The following NLGN1 variants were observed in gnomAD, a reference collection of about 807,000 sequenced individuals.
NLGN1 encodes the protein neuroligin-1.
Under a neutral mutation model 65.5 loss-of-function variants are expected in NLGN1, and 12 were observed. The ratio of observed to expected loss-of-function variants is 0.18; its 90% CI spans 0.12 to 0.30. NLGN1 has a LOEUF of 0.30. NLGN1 is among the 10% of genes least tolerant of loss of function. The pLI, the probability that NLGN1 is intolerant of heterozygous loss-of-function variation, is 1.00. For synonymous variants in NLGN1, 350 were observed against 359.5 expected (o/e 0.97, Z 0.30); for missense variants, 750 against 1,007.1 (o/e 0.74, Z 3.46).
intron 4 of NLGN1, among the ~76,000 whole-genome samples, chr3:174,231,013 G>A (rs1287026612): frequency 6.6e-6 from 1 of 152,158 alleles, no homozygotes; most frequent in African/African-American, 2.4e-5. Flanking sequence ...AGGAAGGGCT[G>A]TTACTGTCCT....
At chr3:174,001,499 G>C (rs577903683) in intron 4 of NLGN1, among the ~76,000 whole-genome samples, 8 of 152,296 alleles carry the variant, frequency 5.3e-5, no homozygotes, top group African/African-American at 1.9e-4. Context: ...AATGCTTGCA[G>C]TCTTGAGAAA....
At chr3:174,080,909 G>A (rs1408131098) in intron 4 of NLGN1, among the ~76,000 whole-genome samples, 3 of 149,188 alleles carry the variant, frequency 2.0e-5, no homozygotes, top group East Asian at 3.9e-4. Flanking sequence ...TTTGATGGTC[G>A]CCTGACATTC....
intron 3 of NLGN1, among the ~76,000 whole-genome samples, chr3:173,747,733 G>T (rs902812004): frequency 6.7e-6 from 1 of 149,058 alleles, no homozygotes; most frequent in Admixed American, 6.7e-5. Flanking sequence ...AGGGACTAGG[G>T]TATATGCAGC....
At chr3:173,653,762 C>T (rs1481467063) in intron 3 of NLGN1, among the ~76,000 whole-genome samples, 6 of 152,098 alleles carry the variant, frequency 3.9e-5, no homozygotes, top group Non-Finnish European at 5.9e-5. Context: ...AAGTGACATT[C>T]TGAGACTTAG....
intron 4 of NLGN1, among the ~76,000 whole-genome samples, chr3:174,171,709 G>A (rs1179624477): frequency 3.3e-5 from 5 of 151,902 alleles, no homozygotes; most frequent in Non-Finnish European, 7.4e-5. Flanking sequence ...GAATCTTTAG[G>A]TATTTTATTA....
intron 3 of NLGN1, among the ~76,000 whole-genome samples, chr3:173,743,587 T>C (rs1405086020): frequency 1.3e-5 from 2 of 152,178 alleles, no homozygotes; most frequent in Non-Finnish European, 2.9e-5. Context: ...GAATTTCCTC[T>C]TTTTCTTCAG....
intron 1 of NLGN1, among the ~76,000 whole-genome samples, chr3:173,403,807 T>G (rs2148616307): frequency 6.6e-6 from 1 of 152,292 alleles, no homozygotes; most frequent in East Asian, 1.9e-4. Flanking sequence ...CTTCAAATTA[T>G]TTTTTAGAAC....
At chr3:173,576,421 T>C (rs1264255382) in intron 2 of NLGN1, among the ~76,000 whole-genome samples, 1 of 152,206 alleles carries the variant, frequency 6.6e-6, no homozygotes, top group African/African-American at 2.4e-5. Flanking sequence ...AAACCTAAAA[T>C]GATTGGCAAA....
intron 4 of NLGN1, among the ~76,000 whole-genome samples, chr3:173,916,373 T>G (rs1740735257): frequency 6.6e-6 from 1 of 152,174 alleles, no homozygotes; most frequent in Non-Finnish European, 1.5e-5. Flanking sequence ...ACTCATTCAT[T>G]TATTGATCAC....
At chr3:173,444,329 A>G (rs548815249) in intron 2 of NLGN1, among the ~76,000 whole-genome samples, 264 of 152,356 alleles carry the variant, frequency 1.7e-3, no homozygotes, top group African/African-American at 6.3e-3. Flanking sequence ...AATGCTGCTC[A>G]TCAAAATGAA....
At chr3:173,421,947 A>G (rs1715138961) in intron 1 of NLGN1, among the ~76,000 whole-genome samples, 1 of 152,168 alleles carries the variant, frequency 6.6e-6, no homozygotes, top group South Asian at 2.1e-4. Context: ...ACGATTTTAC[A>G]TATTAATAGG....
chr3:173,880,649 T>G (rs1733045657), intron 4 of NLGN1, among the ~76,000 whole-genome samples: 1 of 152,112 alleles, frequency 6.6e-6, no homozygotes, highest in African/African-American at 2.4e-5. Flanking sequence ...GAGAGACTTG[T>G]AAACTTTTTT....
At chr3:173,412,126 A>C (rs1439692233) in intron 1 of NLGN1, among the ~76,000 whole-genome samples, 1 of 152,210 alleles carries the variant, frequency 6.6e-6, no homozygotes, top group Non-Finnish European at 1.5e-5. Context: ...TGGAGCAAGA[A>C]GTATTCTCTC....
chr3:174,253,063 CAG>C (rs1256335339), intron 4 of NLGN1, among the ~76,000 whole-genome samples: 3 of 152,058 alleles, frequency 2.0e-5, no homozygotes, highest in Non-Finnish European at 4.4e-5. Flanking sequence ...TTATTTCTAA[CAG>C]AGGGAAAATA....
At chr3:174,190,598 T>C (rs1047782341) in intron 4 of NLGN1, among the ~76,000 whole-genome samples, 3 of 152,168 alleles carry the variant, frequency 2.0e-5, no homozygotes, top group African/African-American at 7.2e-5. Context: ...ATTAGACTTA[T>C]TGATATAACT....
At chr3:173,771,919 A>T (rs1385350239) in intron 3 of NLGN1, among the ~76,000 whole-genome samples, 1 of 151,926 alleles carries the variant, frequency 6.6e-6, no homozygotes, top group Non-Finnish European at 1.5e-5. Context: ...TTCTAACTTT[A>T]ATATGTTGTG....
rs149164936 is a variant in NLGN1, at chr3:174,190,276, G to A, written c.647-85039G>A. Among the ~76,000 whole-genome samples, 908 of 151,938 alleles carry A rather than the reference G, an allele frequency of 6.0e-3. 8 individuals carry two copies. The highest frequency in any genetic ancestry group is 0.02 in the African/African-American group (846 of 41,472). Reference sequence around the variant, plus strand: ...AGCATAGAAATAGCACCTACCAGAGGTTTAGATAATTTGAAAAGCAAAGAA... The same window carrying A: ...AGCATAGAAATAGCACCTACCAGAGATTTAGATAATTTGAAAAGCAAAGAA... On this transcript the variant is annotated intron_variant, in intron 4 of 6. Coordinates refer to ENST00000457714, the Ensembl canonical transcript of NLGN1.
intron 2 of NLGN1, among the ~76,000 whole-genome samples, chr3:173,469,551 A>G (rs887342387): frequency 1.3e-5 from 2 of 152,028 alleles, no homozygotes; most frequent in Non-Finnish European, 2.9e-5. Context: ...GAATATTCCT[A>G]AGGCAGATGG....
At chr3:173,503,110 G>T (rs1000227188) in intron 2 of NLGN1, among the ~76,000 whole-genome samples, 2 of 151,886 alleles carry the variant, frequency 1.3e-5, no homozygotes, top group African/African-American at 4.8e-5. Context: ...GCGTGTGAGT[G>T]TATTTAACCC....
Sources: gnomAD v4.1 joint callset for allele counts (sites outside exome capture counted in the v4.1 genomes callset) on GRCh38, gnomAD v4.1.1 for gene constraint, MANE v1.5 for transcripts, NCBI Gene and HGNC (gene_info 2026-07-23, HGNC 2026-07-21) for gene names.